The following ADCY2 variants were observed in gnomAD, a reference collection of about 807,000 sequenced individuals.
ADCY2 encodes the protein adenylate cyclase type 2.
A neutral mutation model predicts 125.2 loss-of-function variants in ADCY2; 31 were observed. The observed-to-expected ratio is 0.25, with a 90% CI of 0.19 to 0.33. The LOEUF is 0.33. Ranked by LOEUF, ADCY2 falls within the 10% of genes least tolerant of loss-of-function variation. The pLI is 1.00. For synonymous variants in ADCY2, 512 were observed against 548.4 expected (o/e 0.93, Z 0.93); for missense variants, 904 against 1,418.2 (o/e 0.64, Z 5.82).
intron 4 of ADCY2, among the ~76,000 whole-genome samples, chr5:7,637,702 C>T (rs868592762): frequency 6.6e-6 from 1 of 151,996 alleles, no homozygotes; most frequent in Non-Finnish European, 1.5e-5. Flanking sequence ...AAATTCAAGC[C>T]TCTACTAAGT....
chr5:7,683,671 G>T (rs747243), intron 4 of ADCY2, among the ~76,000 whole-genome samples: 1 of 152,060 alleles, frequency 6.6e-6, no homozygotes. Flanking sequence ...AGGGGGGCAT[G>T]GGAGGGAGAG....
At chr5:7,735,010 C>T (rs1023323345) in intron 14 of ADCY2, among the ~76,000 whole-genome samples, 2 of 152,122 alleles carry the variant, frequency 1.3e-5, no homozygotes, top group African/African-American at 4.8e-5. Flanking sequence ...CTTCATGACC[C>T]AGTCACCTCC....
At chr5:7,602,860 G>C (rs1381387629) in intron 3 of ADCY2, among the ~76,000 whole-genome samples, 1 of 152,074 alleles carries the variant, frequency 6.6e-6, no homozygotes, top group African/African-American at 2.4e-5. Context: ...CTTATATTTG[G>C]CTCCAATAAA....
chr5:7,734,701 G>C (rs957013897), intron 14 of ADCY2, among the ~76,000 whole-genome samples: 1 of 152,192 alleles, frequency 6.6e-6, no homozygotes, highest in African/African-American at 2.4e-5. Context: ...TTAAAATTAA[G>C]AGCGTTTGAC....
chr5:7,441,219 G>C (rs1159630653), intron 2 of ADCY2, among the ~76,000 whole-genome samples: 3 of 152,180 alleles, frequency 2.0e-5, no homozygotes, highest in Non-Finnish European at 4.4e-5. Flanking sequence ...CTGGTCAGCT[G>C]TCCACTGAGA....
intron 2 of ADCY2, among the ~76,000 whole-genome samples, chr5:7,470,941 C>G (rs1435684292): frequency 6.6e-6 from 1 of 151,666 alleles, no homozygotes; most frequent in Non-Finnish European, 1.5e-5. Context: ...AATTTTGAAG[C>G]TGTGTTGCTA....
intron 20 of ADCY2, among the ~76,000 whole-genome samples, chr5:7,791,958 A>T (rs1195760297): frequency 6.6e-6 from 1 of 152,086 alleles, no homozygotes; most frequent in Non-Finnish European, 1.5e-5. Context: ...AGGGGGAGAG[A>T]GGAACGGGGA....
rs1183988688 is a variant in ADCY2 at position 7,784,454 on chromosome 5, G to T, written c.2469+5G>T. ...CTGCTTGTTCTGGGTAGACAGGTAA[G>T]AAGTCTGTTTATATATATGTATGTA... On this transcript the variant is annotated splice_donor_5th_base_variant and intron_variant, in intron 19 of 24. Transcript: ENST00000338316. 1 of 1,608,784 alleles carries T rather than the reference G, an allele frequency of 6.2e-7. No homozygotes were observed. The highest frequency in any genetic ancestry group is 1.1e-5 in the South Asian group (1 of 90,954).
chr5:7,652,996 G>A (rs1221539701), intron 4 of ADCY2, among the ~76,000 whole-genome samples: 1 of 152,220 alleles, frequency 6.6e-6, no homozygotes, highest in African/African-American at 2.4e-5. Flanking sequence ...TGGACAAAAT[G>A]AGTAAATTCC....
chr5:7,745,646 C>T (rs1742575520), intron 15 of ADCY2, among the ~76,000 whole-genome samples: 1 of 152,190 alleles, frequency 6.6e-6, no homozygotes, highest in Non-Finnish European at 1.5e-5. Flanking sequence ...CTGCTCTCTT[C>T]CTTGCCCCCA....
At chr5:7,569,966 A>G (rs1306566271) in intron 3 of ADCY2, among the ~76,000 whole-genome samples, 2 of 150,082 alleles carry the variant, frequency 1.3e-5, no homozygotes, top group African/African-American at 4.9e-5. Flanking sequence ...TTAAACCATT[A>G]ATAATCTTGA....
intron 3 of ADCY2, among the ~76,000 whole-genome samples, chr5:7,567,796 T>C (rs987410861): frequency 4.6e-5 from 7 of 152,192 alleles, no homozygotes; most frequent in Non-Finnish European, 8.8e-5. Context: ...ATTTTCTTAT[T>C]TGGTCAGCAT....
chr5:7,476,799 T>G (rs1742541405), intron 2 of ADCY2, among the ~76,000 whole-genome samples: 2 of 152,236 alleles, frequency 1.3e-5, no homozygotes, highest in Non-Finnish European at 2.9e-5. Flanking sequence ...ATTCTCTTAT[T>G]TATAAGTCAA....
chr5:7,740,776 C>T (rs985451583), intron 14 of ADCY2, among the ~76,000 whole-genome samples: 11 of 151,916 alleles, frequency 7.2e-5, no homozygotes, highest in Admixed American at 3.9e-4. Flanking sequence ...TAATGAGTAG[C>T]TATGAATTAA....
intron 3 of ADCY2, among the ~76,000 whole-genome samples, chr5:7,608,736 T>G (rs1737470447): frequency 6.6e-6 from 1 of 152,222 alleles, no homozygotes; most frequent in Admixed American, 6.5e-5. Flanking sequence ...ATGTGATGTG[T>G]GCATTTTTGC....
chr5:7,458,669 G>A (rs192659668), intron 2 of ADCY2, among the ~76,000 whole-genome samples: 16 of 152,206 alleles, frequency 1.1e-4, no homozygotes, highest in African/African-American at 3.6e-4. Context: ...TTCCCACAGG[G>A]AGTTTGATAC....
intron 4 of ADCY2, among the ~76,000 whole-genome samples, chr5:7,631,742 A>C (rs1041003324): frequency 6.6e-6 from 1 of 152,170 alleles, no homozygotes; most frequent in African/African-American, 2.4e-5. Context: ...GGAGGGTTTG[A>C]TGCCAGCCAT....
chr5:7,695,189 T>C (rs935991492), intron 5 of ADCY2, among the ~76,000 whole-genome samples: 4 of 152,242 alleles, frequency 2.6e-5, no homozygotes, highest in African/African-American at 9.6e-5. Flanking sequence ...CCTTCCCTAG[T>C]GTGTACATCC....
chr5:7,690,532 T>C, intron 4 of ADCY2, 159 bp from the exon 5 acceptor site: 1 of 514,280 alleles, frequency 1.9e-6, no homozygotes, highest in Non-Finnish European at 3.1e-6. Context: ...AGAAAATCTC[T>C]TTTTATTCCC....
Sources: gnomAD v4.1 joint callset for allele counts (sites outside exome capture counted in the v4.1 genomes callset) on GRCh38, gnomAD v4.1.1 for gene constraint, MANE v1.5 for transcripts, NCBI Gene and HGNC (gene_info 2026-07-23, HGNC 2026-07-21) for gene names.